The following AK3 variants were observed in gnomAD, a reference collection of about 807,000 sequenced individuals.
AK3 encodes adenylate kinase 3.
In AK3, 27 loss-of-function variants were observed where a neutral mutation model predicts 23.7. That is an observed-to-expected ratio of 1.14 (90% CI 0.84 to 1.57). AK3 has a LOEUF of 1.57. AK3 is among the 40% of genes most tolerant of loss of function. The probability of loss-of-function intolerance (pLI) is 0.00; values close to 1 mark genes in which losing one functional copy is unlikely to be tolerated. For synonymous variants in AK3, 159 were observed against 116.0 expected (o/e 1.37, Z -2.38); for missense variants, 406 against 285.6 (o/e 1.42, Z -3.04).
At position 4,709,845 on chromosome 9, in the gene AK3, A is replaced by T. The variant is rs1841504126; in HGVS notation, c.*3131T>A. 1 of 152,076 alleles carries T rather than the reference A, an allele frequency of 6.6e-6. No homozygotes were observed. The highest frequency in any genetic ancestry group is 6.5e-5 in the Admixed American group (1 of 15,270). 9.4% of individuals were successfully genotyped at this position (152,076 alleles called of 1,614,324 possible). A position where few individuals can be genotyped will look rare whatever the true frequency, so the allele number is the denominator to read the frequency against. On this transcript the variant is annotated 3_prime_UTR_variant, in exon 5 of 5. Coordinates refer to ENST00000381809, the MANE Select transcript of AK3 (RefSeq NM_016282.4). ...TATTTTTATTTTTATTTTTTGGTCAATGAGAAGACACAACATATTCTAAAA... is the reference window on the plus strand; with the variant it reads ...TATTTTTATTTTTATTTTTTGGTCATTGAGAAGACACAACATATTCTAAAA...
chr9:4,725,968 T>C (rs115087916), intron 1 of AK3, among the ~76,000 whole-genome samples: 3,099 of 152,186 alleles, frequency 0.02, 107 homozygotes, highest in African/African-American at 0.071. Context: ...ATAAAGTGAA[T>C]ATGTGAGTCA....
chr9:4,734,176 C>T (rs1354581104), intron 1 of AK3, among the ~76,000 whole-genome samples: 1 of 152,136 alleles, frequency 6.6e-6, no homozygotes, highest in Non-Finnish European at 1.5e-5. Context: ...GAGGAGACAT[C>T]AGGGTTGCCT....
chr9:4,712,467 G>GA lies in AK3; in HGVS notation c.*508_*509insT, dbSNP rs1269394350. The GA allele has an allele frequency of 6.6e-6, 1 of 152,290 alleles. No individual in the cohort carries two copies. Among genetic ancestry groups the GA allele is most frequent in the African/African-American group, 2.4e-5 (1 of 41,446 alleles). The allele number at this position is 152,290 out of a possible 1,614,324, so 9.4% of individuals were successfully genotyped here. A position where few individuals can be genotyped will look rare whatever the true frequency, so the allele number is the denominator to read the frequency against. The stretch of plus-strand genomic sequence containing the variant: ...TTAGTGTAAAGGCAGCAGTGAATTT[G>GA]TGTCTCACAATAAATCTGTAAATCC... On this transcript the variant is annotated 3_prime_UTR_variant, in exon 5 of 5. Coordinates refer to ENST00000381809, the MANE Select transcript of AK3 (RefSeq NM_016282.4).
At chr9:4,722,811 C>G (rs992272294) in intron 1 of AK3, among the ~76,000 whole-genome samples, 186 bp from the exon 2 acceptor site, 1 of 152,202 alleles carries the variant, frequency 6.6e-6, no homozygotes, top group African/African-American at 2.4e-5. Flanking sequence ...AACCCCAGCA[C>G]TTTGGGAGGC....
At chr9:4,721,267 C>T (rs1431832249) in intron 2 of AK3, among the ~76,000 whole-genome samples, 2 of 151,526 alleles carry the variant, frequency 1.3e-5, no homozygotes, top group Non-Finnish European at 2.9e-5. Flanking sequence ...GCCACGTGTG[C>T]TGGTGGGCAC....
chr9:4,718,597 A>T (rs1172587730), intron 3 of AK3, 60 bp from the exon 4 acceptor site: 3 of 1,314,278 alleles, frequency 2.3e-6, no homozygotes, highest in Non-Finnish European at 3.2e-6. Context: ...TATTTTCATA[A>T]GCAGTTCAAT....
chr9:4,730,169 G>C (rs775093613), intron 1 of AK3, among the ~76,000 whole-genome samples: 32 of 152,164 alleles, frequency 2.1e-4, no homozygotes, highest in Non-Finnish European at 2.9e-4. Context: ...GCCAAAGGCT[G>C]GGAGGGTTGG....
chr9:4,725,498 G>A (rs1216407856), intron 1 of AK3, among the ~76,000 whole-genome samples: 1 of 152,096 alleles, frequency 6.6e-6, no homozygotes, highest in Non-Finnish European at 1.5e-5. Context: ...GCCGGGTGCA[G>A]TGGCTCCTGC....
chr9:4,714,235 C>G (rs1354371012), intron 4 of AK3, among the ~76,000 whole-genome samples: 2 of 148,134 alleles, frequency 1.4e-5, no homozygotes, highest in East Asian at 3.9e-4. Flanking sequence ...TCCACACATA[C>G]ACACTGGTGT....
intron 1 of AK3, among the ~76,000 whole-genome samples, chr9:4,731,779 C>T (rs1842159887): frequency 6.6e-6 from 1 of 151,954 alleles, no homozygotes; most frequent in Admixed American, 6.6e-5. Flanking sequence ...TAGAGTGGAC[C>T]CTTGAACAAC....
At chr9:4,715,216 C>CAA (rs1237615381) in intron 4 of AK3, among the ~76,000 whole-genome samples, 3,634 of 56,672 alleles carry the variant, frequency 0.064, 337 homozygotes, top group African/African-American at 0.2. Flanking sequence ...GACTCCGTCT[C>CAA]AAAAAAAAAA....
intron 4 of AK3, among the ~76,000 whole-genome samples, chr9:4,715,535 T>C (rs748334849): frequency 6.6e-5 from 10 of 151,996 alleles, no homozygotes; most frequent in Non-Finnish European, 4.4e-5. Context: ...GCTGGGACTA[T>C]AGGCATGTGC....
intron 2 of AK3, among the ~76,000 whole-genome samples, chr9:4,720,224 C>A (rs1841859166): frequency 6.6e-6 from 1 of 152,082 alleles, no homozygotes; most frequent in Non-Finnish European, 1.5e-5. Context: ...GAGAGACAGG[C>A]AAATGTACCT....
intron 1 of AK3, among the ~76,000 whole-genome samples, chr9:4,723,714 C>A (rs1480579347): frequency 6.6e-6 from 1 of 152,108 alleles, no homozygotes; most frequent in African/African-American, 2.4e-5. Context: ...TATTACACTC[C>A]AAATATAAGA....
chr9:4,723,065 C>A (rs189900034), intron 1 of AK3, among the ~76,000 whole-genome samples: 1 of 147,568 alleles, frequency 6.8e-6, no homozygotes, highest in African/African-American at 2.7e-5. Flanking sequence ...AGTGAGACTC[C>A]GTCTCAAAAA....
intron 1 of AK3, among the ~76,000 whole-genome samples, chr9:4,729,034 G>T (rs1244173364): frequency 1.7e-5 from 2 of 117,428 alleles, no homozygotes; most frequent in East Asian, 3.0e-4. Context: ...TTTTGAGACG[G>T]AATTTTGCTC....
At chr9:4,728,866 T>TATATATATATATACACACAC (rs1395790351) in intron 1 of AK3, among the ~76,000 whole-genome samples, 1 of 87,894 alleles carries the variant, frequency 1.1e-5, no homozygotes, top group African/African-American at 3.8e-5. Flanking sequence ...TATATATATA[T>TATATATATATATACACACAC]ACACACACAC....
chr9:4,721,190 G>A (rs1841885950), intron 2 of AK3, among the ~76,000 whole-genome samples: 1 of 152,020 alleles, frequency 6.6e-6, no homozygotes, highest in African/African-American at 2.4e-5. Context: ...ATCACTTGAG[G>A]CCAGGAGTTT....
At chr9:4,725,311 C>A (rs1639760246) in intron 1 of AK3, among the ~76,000 whole-genome samples, 1 of 151,734 alleles carries the variant, frequency 6.6e-6, no homozygotes. Flanking sequence ...GCCACTGCGT[C>A]CAGCCTAAAA....
Sources: allele counts gnomAD v4.1 joint callset (sites outside exome capture counted in the v4.1 genomes callset), GRCh38; gene constraint gnomAD v4.1.1; transcripts MANE v1.5; gene names NCBI Gene and HGNC (gene_info 2026-07-23, HGNC 2026-07-21).